GRID2: variants seen among roughly 807,000 people sequenced by gnomAD.
GRID2 encodes the protein glutamate ionotropic receptor delta type subunit 2.
GRID2 carries 33 observed loss-of-function variants against 114.8 expected under a neutral mutation model. The observed-to-expected ratio is 0.29, with a 90% confidence interval of 0.22 to 0.38. The LOEUF (loss-of-function observed/expected upper bound fraction) is 0.38. GRID2 is among the 10% of genes least tolerant of loss of function. The probability of loss-of-function intolerance (pLI) is 1.00; values close to 1 mark genes in which losing one functional copy is unlikely to be tolerated. For missense variants in GRID2, 1,184 were observed against 1,257.7 expected, an observed-to-expected ratio of 0.94 and a Z score of 0.89; for synonymous variants, 505 against 449.9, an observed-to-expected ratio of 1.12 and a Z score of -1.55.
intron 1 of GRID2, among the ~76,000 whole-genome samples, chr4:93,804,642 C>G (rs902293957): frequency 6.6e-6 from 1 of 152,186 alleles, no homozygotes; most frequent in African/African-American, 2.4e-5. Flanking sequence ...CTGTAACATT[C>G]TGTTCTTGGG....
chr4:92,943,205 A>G (rs555336485), intron 2 of GRID2, among the ~76,000 whole-genome samples: 2 of 152,276 alleles, frequency 1.3e-5, no homozygotes, highest in Admixed American at 1.3e-4. Context: ...TTTCAGGTAC[A>G]CCAATCAGAC....
chr4:92,748,456 A>G lies in GRID2; in HGVS notation c.244+158170A>G, dbSNP rs192058043. On this transcript the variant is annotated intron_variant, in intron 2 of 15. Coordinates refer to ENST00000282020, the MANE Select transcript of GRID2 (RefSeq NM_001510.4). The stretch of plus-strand genomic sequence containing the variant: ...CATGATGATCTCCATCCCACCAGCA[A>G]CTCTACCCTCTTCCTATGTGGTAGT... 9.4e-4 allele frequency among the ~76,000 whole-genome samples: 143 copies of G among 151,648 alleles called. 2 individuals are homozygous for G. The highest frequency in any genetic ancestry group is 3.3e-3 in the African/African-American group (136 of 41,336).
chr4:92,458,394 C>A (rs901156690), intron 1 of GRID2, among the ~76,000 whole-genome samples: 1 of 152,080 alleles, frequency 6.6e-6, no homozygotes, highest in South Asian at 2.1e-4. Flanking sequence ...TCCTCAGGAA[C>A]CTTATCTGCA....
chr4:92,706,184 G>A (rs1734946922), intron 2 of GRID2, among the ~76,000 whole-genome samples: 1 of 152,118 alleles, frequency 6.6e-6, no homozygotes, highest in African/African-American at 2.4e-5. Context: ...AAATTCTACA[G>A]TCAAGAGTCA....
intron 8 of GRID2, among the ~76,000 whole-genome samples, chr4:93,374,218 A>C (rs1169923907): frequency 6.6e-6 from 1 of 152,198 alleles, no homozygotes; most frequent in Admixed American, 6.5e-5. Flanking sequence ...ATAATATGTC[A>C]TATTAGCTCT....
At chr4:93,276,499 GT>G (rs1157058302) in intron 8 of GRID2, among the ~76,000 whole-genome samples, 1 of 151,970 alleles carries the variant, frequency 6.6e-6, no homozygotes, top group African/African-American at 2.4e-5. Context: ...TGGGGATTGT[GT>G]TGAATCTGTA....
intron 2 of GRID2, among the ~76,000 whole-genome samples, chr4:92,856,159 C>T (rs758265011): frequency 6.6e-6 from 1 of 152,008 alleles, no homozygotes; most frequent in African/African-American, 2.4e-5. Context: ...CAGAGAGATC[C>T]AGTTTCAAGA....
chr4:92,795,419 G>T (rs1739815676), intron 2 of GRID2, among the ~76,000 whole-genome samples: 1 of 151,866 alleles, frequency 6.6e-6, no homozygotes. Flanking sequence ...CCATGATTCT[G>T]AGGCCTCCCC....
chr4:92,480,953 G>A (rs1253430809), intron 1 of GRID2, among the ~76,000 whole-genome samples: 2 of 152,072 alleles, frequency 1.3e-5, no homozygotes, highest in Admixed American at 1.3e-4. Flanking sequence ...GCTTTTAAAA[G>A]TACTCATTTG....
chr4:93,054,748 A>C (rs577334015), intron 2 of GRID2, among the ~76,000 whole-genome samples: 1 of 152,058 alleles, frequency 6.6e-6, no homozygotes, highest in South Asian at 2.1e-4. Flanking sequence ...TGCATTTTGA[A>C]TATGGAAATA....
At chr4:93,425,943 A>G (rs4693317) in intron 10 of GRID2, among the ~76,000 whole-genome samples, 68,455 of 151,732 alleles carry the variant, frequency 0.45, 16,356 homozygotes, top group East Asian at 0.7. Context: ...TTTCAATTTG[A>G]TCCTGAATTT....
intron 2 of GRID2, among the ~76,000 whole-genome samples, chr4:92,947,772 C>T (rs967444470): frequency 2.0e-5 from 3 of 151,538 alleles, no homozygotes; most frequent in Non-Finnish European, 4.4e-5. Context: ...GTATTAGAAA[C>T]AATAAAAGGG....
intron 2 of GRID2, among the ~76,000 whole-genome samples, chr4:92,854,897 C>T (rs547255967): frequency 1.3e-5 from 2 of 152,000 alleles, no homozygotes; most frequent in Admixed American, 6.6e-5. Flanking sequence ...GAGTATTCTG[C>T]TTAGCTCTTA....
At chr4:93,777,258 C>A (rs1365625762), downstream of GRID2, among the ~76,000 whole-genome samples, 1 of 152,234 alleles carries the variant, frequency 6.6e-6, no homozygotes, top group Non-Finnish European at 1.5e-5. Context: ...GATCAAGGAA[C>A]TTGCTCTCAT....
intron 14 of GRID2, among the ~76,000 whole-genome samples, chr4:93,766,376 G>A (rs569584882): frequency 2.8e-4 from 42 of 152,220 alleles, no homozygotes; most frequent in Non-Finnish European, 5.1e-4. Flanking sequence ...TGAGCAAAGG[G>A]GAAGCCCCTT....
chr4:93,218,147 C>T (rs1449562298), intron 6 of GRID2, among the ~76,000 whole-genome samples: 1 of 152,002 alleles, frequency 6.6e-6, no homozygotes, highest in Non-Finnish European at 1.5e-5. Flanking sequence ...CGTGGACTGG[C>T]TCCAGGATCA....
At chr4:93,588,387 A>C (rs563962406) in intron 13 of GRID2, among the ~76,000 whole-genome samples, 1 of 152,278 alleles carries the variant, frequency 6.6e-6, no homozygotes, top group Admixed American at 6.5e-5. Flanking sequence ...TTAATGTCAT[A>C]CAGGACTACA....
At chr4:92,882,280 C>T (rs949161045) in intron 2 of GRID2, among the ~76,000 whole-genome samples, 2 of 152,104 alleles carry the variant, frequency 1.3e-5, no homozygotes, top group Non-Finnish European at 2.9e-5. Context: ...TATCAAGCAA[C>T]AGAGACAAGA....
intron 1 of GRID2, among the ~76,000 whole-genome samples, chr4:92,579,200 T>TA (rs1728056967): frequency 6.6e-6 from 1 of 152,128 alleles, no homozygotes; most frequent in African/African-American, 2.4e-5. Context: ...GTAAATTACT[T>TA]AATATCAAGT....
Sources: gnomAD v4.1 joint callset for allele counts (sites outside exome capture counted in the v4.1 genomes callset) on GRCh38, gnomAD v4.1.1 for gene constraint, MANE v1.5 for transcripts, NCBI Gene and HGNC (gene_info 2026-07-23, HGNC 2026-07-21) for gene names.